F8: variants seen among roughly 807,000 people sequenced by gnomAD.
The protein encoded by F8 is antihemophilic factor.
In F8, 12 loss-of-function variants were observed where a neutral mutation model predicts 140.6. That is an observed-to-expected ratio of 0.09 (90% CI 0.05 to 0.14). The LOEUF (loss-of-function observed/expected upper bound fraction) is 0.14, where lower values mean the gene tolerates loss of function less well. Among genes scored for constraint, F8 ranks in the 10% least tolerant of loss-of-function variants. The pLI is 1.00. For synonymous variants in F8, 585 were observed against 614.6 expected (o/e 0.95, Z 0.71); for missense variants, 1,354 against 1,720.7 (o/e 0.79, Z 3.77).
Position 154,930,789 on chromosome X carries a change from C to T in F8, c.3001G>A (p.Ala1001Thr). 2 of 1,210,986 alleles carry T rather than the reference C, an allele frequency of 1.7e-6. No individual in the cohort carries two copies. Among genetic ancestry groups the T allele is most frequent in the Non-Finnish European group, 2.2e-6 (2 of 894,826 alleles). ...LFKGKRAHGP[A>T]LLTKDNALFK... ...AAGGCATTATCTTTAGTCAACAAAGCAGGTCCATGAGCTCTTTTCCCTTTA... is the reference window on the plus strand; with the variant it reads ...AAGGCATTATCTTTAGTCAACAAAGTAGGTCCATGAGCTCTTTTCCCTTTA... The change falls in exon 14 of 26, where the codon GCT becomes ACT. Residue 1001 changes from alanine (A) to threonine (T), a missense_variant. Ala to Thr is a moderately conservative substitution (Grantham distance 58). Transcript: ENST00000360256.
intron 1 of F8, among the ~76,000 whole-genome samples, chrX:155,015,480 A>C (rs2073729443): frequency 8.9e-6 from 1 of 112,437 alleles, no homozygotes; most frequent in Non-Finnish European, 1.9e-5. Flanking sequence ...GAATATATAA[A>C]AAATTATCAA....
At chrX:154,906,982 C>T (rs781828405) in intron 14 of F8, among the ~76,000 whole-genome samples, 4 of 111,888 alleles carry the variant, frequency 3.6e-5, no homozygotes, top group African/African-American at 9.7e-5. Context: ...CAATAAAGTG[C>T]ATAAAACACA....
intron 8 of F8, 80 bp downstream of exon 8, chrX:154,966,346 A>C (rs189346889): frequency 7.9e-6 from 9 of 1,139,737 alleles, no homozygotes; most frequent in Middle Eastern, 5.2e-4. Flanking sequence ...ACATGGCTTC[A>C]GGATTTGTTG....
intron 17 of F8, 46 bp downstream of exon 17, chrX:154,904,250 C>T: frequency 1.8e-6 from 2 of 1,118,250 alleles, no homozygotes; most frequent in African/African-American, 1.8e-5. Flanking sequence ...TGTCAAAGTG[C>T]AATCTGCATT....
intron 10 of F8, among the ~76,000 whole-genome samples, chrX:154,959,965 A>G (rs1289696137): frequency 3.6e-5 from 4 of 112,235 alleles, no homozygotes; most frequent in Admixed American, 9.5e-5. Flanking sequence ...ACAAAATGTA[A>G]ATGTTATCAA....
At chrX:154,916,206 C>T (rs1024308042) in intron 14 of F8, among the ~76,000 whole-genome samples, 1 of 111,934 alleles carries the variant, frequency 8.9e-6, no homozygotes, top group Admixed American at 9.5e-5. Flanking sequence ...ATTTAGTTTG[C>T]TAGTACTTTG....
At chrX:154,966,165 G>A in intron 8 of F8, 24 bp from the exon 9 acceptor site, 1 of 1,195,080 alleles carries the variant, frequency 8.4e-7, no homozygotes. Context: ...AAAAAGATGA[G>A]AGGTTGGGAA....
In F8 at chrX:154,836,598, G is replaced by A. The variant is rs1441067801; in HGVS notation, c.*999C>T. On this transcript the variant is annotated 3_prime_UTR_variant, in exon 26 of 26. Transcript: ENST00000360256. ...ATTTTCAGCAGGAAATTAGTAGAGG[G>A]AGAGAGTAAACTGAGTGCATTATTA... is the stretch of plus-strand genomic sequence containing the variant. 1 of 111,781 alleles carries A rather than the reference G, an allele frequency of 8.9e-6. No homozygotes were observed. Among genetic ancestry groups the A allele is most frequent in the African/African-American group, 3.2e-5 (1 of 30,781 alleles). The allele number at this position is 111,781 out of a possible 1,213,427, so 9.2% of individuals were successfully genotyped here.
At chrX:154,917,651 A>G (rs1291439219) in intron 14 of F8, among the ~76,000 whole-genome samples, 2 of 109,990 alleles carry the variant, frequency 1.8e-5, no homozygotes, top group Non-Finnish European at 1.9e-5. Flanking sequence ...TTGACTGTGT[A>G]TTTTCAAATA....
intron 9 of F8, among the ~76,000 whole-genome samples, chrX:154,961,753 G>A (rs782674590): frequency 2.4e-4 from 27 of 110,921 alleles, no homozygotes; most frequent in Non-Finnish European, 3.8e-4. Flanking sequence ...TGATGGGATG[G>A]GAGATCGGGC....
intron 10 of F8, among the ~76,000 whole-genome samples, chrX:154,959,318 A>C (rs2124097265): frequency 9.0e-6 from 1 of 111,457 alleles, no homozygotes; most frequent in Non-Finnish European, 1.9e-5. Flanking sequence ...CCTGGGAGGC[A>C]GAGGTTGCAG....
chrX:154,843,396 T>C (rs1243663209), intron 25 of F8, among the ~76,000 whole-genome samples: 1 of 112,092 alleles, frequency 8.9e-6, no homozygotes, highest in Non-Finnish European at 1.9e-5. Flanking sequence ...GTTGAACTAG[T>C]TTACAGTCCC....
chrX:154,998,345 C>T (rs2073628992), intron 2 of F8, among the ~76,000 whole-genome samples: 1 of 113,233 alleles, frequency 8.8e-6, no homozygotes, highest in East Asian at 2.8e-4. Flanking sequence ...TCCTCCCCAA[C>T]TCACCTTTGT....
intron 25 of F8, among the ~76,000 whole-genome samples, chrX:154,849,002 T>C (rs2072593129): frequency 8.9e-6 from 1 of 111,873 alleles, no homozygotes; most frequent in African/African-American, 3.3e-5. Flanking sequence ...TGAATCATGT[T>C]AATTGTTCTA....
chrX:154,880,380 C>T (rs1355147355), intron 22 of F8, among the ~76,000 whole-genome samples: 2 of 111,349 alleles, frequency 1.8e-5, no homozygotes, highest in African/African-American at 6.5e-5. Flanking sequence ...TATCTGTATA[C>T]CAGGAAGAAG....
chrX:155,018,630 T>C (rs1365696294), intron 1 of F8, among the ~76,000 whole-genome samples: 1 of 112,077 alleles, frequency 8.9e-6, no homozygotes, highest in Non-Finnish European at 1.9e-5. Context: ...AAAGGGCACA[T>C]AACTACAGAT....
rs2073597693 is a variant in F8, at chrX:154,993,108, T to A, written c.429A>T (p.Glu143Asp). The change falls in exon 4 of 26, where the codon GAA becomes GAT. Residue 143 changes from glutamate to aspartate, a missense_variant. Transcript: ENST00000360256. ...TTCCACCAGGGAAGACTTTATCATC[T>A]TCTTTCTCCCTTTGACTGGTCTGAT... ...YDDQTSQREK[E>D]DDKVFPGGSH... 4.1e-6 allele frequency: 5 copies of A among 1,211,939 alleles called. No homozygotes were observed. Among genetic ancestry groups the A allele is most frequent in the Non-Finnish European group, 4.5e-6 (4 of 895,464 alleles).
In F8 at chrX:154,993,079, T is replaced by C; in HGVS notation, c.458A>G (p.His153Arg). The C allele has an allele frequency of 8.3e-7, 1 of 1,211,895 alleles. No homozygotes were observed. The highest frequency in any genetic ancestry group is 1.8e-5 in the South Asian group (1 of 57,013). The change falls in exon 4 of 26, where the codon CAT (histidine) becomes CGT (arginine). Residue 153 changes from histidine (H) to arginine (R), a missense_variant. His to Arg is a conservative substitution (Grantham distance 29). Transcript: ENST00000360256. ...TTTCAGGACCTGCCAGACATATGTA[T>C]GGCTTCCACCAGGGAAGACTTTATC... ...EDDKVFPGGS[H>R]TYVWQVLKEN...
intron 22 of F8, among the ~76,000 whole-genome samples, chrX:154,891,586 A>C (rs150325625): frequency 0.012 from 1,375 of 112,518 alleles, 24 homozygotes; most frequent in African/African-American, 0.041. Context: ...CCTTGAGTCT[A>C]TATTATGATA....
Sources: allele counts gnomAD v4.1 joint callset (sites outside exome capture counted in the v4.1 genomes callset), GRCh38; gene constraint gnomAD v4.1.1; transcripts MANE v1.5; gene names NCBI Gene and HGNC (gene_info 2026-07-23, HGNC 2026-07-21).